The following PALS1 variants were observed in gnomAD, a reference collection of about 807,000 sequenced individuals.
PALS1 encodes the protein protein PALS1.
A neutral mutation model predicts 78.9 loss-of-function variants in PALS1; 31 were observed. The ratio of observed to expected loss-of-function variants is 0.39; its 90% CI spans 0.30 to 0.53. PALS1 has a LOEUF of 0.53. Among genes scored for constraint, PALS1 ranks in the 20% least tolerant of loss-of-function variants. PALS1 has a pLI of 0.67. For synonymous variants in PALS1, 276 were observed against 270.9 expected (o/e 1.02, Z -0.18); for missense variants, 704 against 826.5 (o/e 0.85, Z 1.82).
chr14:67,304,538 C>T (rs1160371731), intron 8 of PALS1, among the ~76,000 whole-genome samples: 1 of 152,174 alleles, frequency 6.6e-6, no homozygotes, highest in Non-Finnish European at 1.5e-5. Flanking sequence ...GGAAGCCAGT[C>T]ACAAAAGGCC....
At chr14:67,272,205 A>C (rs1264470110) in intron 2 of PALS1, 1 of 152,196 alleles carries the variant, frequency 6.6e-6, no homozygotes, top group East Asian at 1.9e-4. Context: ...TTTGTATTTA[A>C]GACCTTTCAT....
chr14:67,301,416 C>A lies in PALS1; in HGVS notation c.604C>A (p.His202Asn). The change falls in exon 5 of 15, where the codon CAT becomes AAT. Residue 202 changes from histidine (H) to asparagine (N), a missense_variant. Coordinates refer to ENST00000261681, the MANE Select transcript of PALS1 (RefSeq NM_022474.4). ...ACAAACTGTTTTGAAGCCAGTTCAT[C>A]ATAAGGAAGGACAAGAACTAACTGC... is the stretch of plus-strand genomic sequence containing the variant. Reference protein sequence around the residue: ...EVQTVLKPVHHKEGQELTALL... With the variant: ...EVQTVLKPVHNKEGQELTALL... 1.2e-6 allele frequency: 2 copies of A among 1,610,030 alleles called. No individual in the cohort carries two copies. Among genetic ancestry groups the A allele is most frequent in the Non-Finnish European group, 1.7e-6 (2 of 1,177,656 alleles).
chr14:67,262,164 A>G (rs530418875), intron 1 of PALS1, among the ~76,000 whole-genome samples: 3 of 152,294 alleles, frequency 2.0e-5, no homozygotes, highest in South Asian at 4.1e-4. Flanking sequence ...ATCAAATGAG[A>G]TAATATACTT....
chr14:67,260,396 CA>C (rs1045222411), intron 1 of PALS1, among the ~76,000 whole-genome samples: 1 of 152,030 alleles, frequency 6.6e-6, no homozygotes, highest in African/African-American at 2.4e-5. Flanking sequence ...GATTTTCATT[CA>C]AAAAATATTT....
rs139455369 is a variant in PALS1 at position 67,335,102 on chromosome 14, T to C, written c.*2146T>C. 6.7e-6 allele frequency: 1 copy of C among 150,118 alleles called. No homozygotes were observed. The highest frequency in any genetic ancestry group is 1.5e-5 in the Non-Finnish European group (1 of 66,428). The allele number at this position is 150,118 out of a possible 1,614,324, so 9.3% of individuals were successfully genotyped here. On this transcript the variant is annotated 3_prime_UTR_variant, in exon 15 of 15. Transcript: ENST00000261681. ...TCAAGGCAGAGGTGATGCCATGCCA[T>C]ACTTTTAGGAAGTCTGAGATGATAA...
At chr14:67,256,407 T>G (rs1329452676) in intron 1 of PALS1, among the ~76,000 whole-genome samples, 1 of 152,134 alleles carries the variant, frequency 6.6e-6, no homozygotes, top group Non-Finnish European at 1.5e-5. Flanking sequence ...TATTATATAT[T>G]TTAAAAAAAC....
intron 8 of PALS1, among the ~76,000 whole-genome samples, chr14:67,310,339 C>T (rs923281749): frequency 3.3e-4 from 50 of 152,182 alleles, no homozygotes; most frequent in African/African-American, 1.2e-3. Flanking sequence ...GGTGTGTTAT[C>T]TTAACTATAT....
At chr14:67,291,171 T>G (rs2084766404) in intron 3 of PALS1, among the ~76,000 whole-genome samples, 3 of 151,128 alleles carry the variant, frequency 2.0e-5, no homozygotes, top group Admixed American at 2.0e-4. Flanking sequence ...TATGACAGAG[T>G]ATATGTGCGT....
At chr14:67,255,134 C>T (rs1209729956) in intron 1 of PALS1, among the ~76,000 whole-genome samples, 5 of 151,498 alleles carry the variant, frequency 3.3e-5, no homozygotes, top group Admixed American at 2.6e-4. Context: ...GGCAACAGAG[C>T]GAGACTCCAT....
intron 14 of PALS1, among the ~76,000 whole-genome samples, chr14:67,329,298 G>GA (rs1210298807): frequency 5.3e-5 from 8 of 152,168 alleles, no homozygotes; most frequent in Non-Finnish European, 1.0e-4. Context: ...TGATGTATAG[G>GA]AATGCTTGTG....
chr14:67,304,521 G>A (rs894749187), intron 8 of PALS1, among the ~76,000 whole-genome samples: 2 of 152,164 alleles, frequency 1.3e-5, no homozygotes, highest in Non-Finnish European at 2.9e-5. Context: ...AAATTATGCT[G>A]AGCGAAGGAA....
chr14:67,298,307 A>G (rs1020903360), intron 4 of PALS1, among the ~76,000 whole-genome samples: 1 of 152,156 alleles, frequency 6.6e-6, no homozygotes, highest in Admixed American at 6.5e-5. Context: ...TGAGGTCAGG[A>G]GTTCGAGACT....
rs541362470 is a variant in PALS1, at chr14:67,325,184, C to T, written c.1851+1372C>T. Among the ~76,000 whole-genome samples the T allele has an allele frequency of 3.3e-5, 5 of 152,158 alleles. No homozygotes were observed. The East Asian group carries it at 7.7e-4, about 24-fold the overall frequency. On this transcript the variant is annotated intron_variant, in intron 14 of 14. Coordinates refer to ENST00000261681, the MANE Select transcript of PALS1 (RefSeq NM_022474.4). ...CCTCCCAAAGTGCTGGGATTACAGGCGTGAGCCACCAGGCCCAGCCTCCTT... is the reference window on the plus strand; with the variant it reads ...CCTCCCAAAGTGCTGGGATTACAGGTGTGAGCCACCAGGCCCAGCCTCCTT...
intron 9 of PALS1, 143 bp downstream of exon 9, chr14:67,312,853 T>A: frequency 1.7e-6 from 1 of 603,504 alleles, no homozygotes; most frequent in Non-Finnish European, 2.7e-6. Flanking sequence ...TTTTATGTTG[T>A]ACCTGCAGCG....
intron 2 of PALS1, among the ~76,000 whole-genome samples, chr14:67,277,402 A>G (rs146290896): frequency 6.6e-6 from 1 of 152,300 alleles, no homozygotes; most frequent in Non-Finnish European, 1.5e-5. Flanking sequence ...TTGGGTTTGT[A>G]TTAAGCATTT....
rs2085242065 is a variant in PALS1, at chr14:67,320,235, GACA to G, written c.1378_1380del (p.Asn460del). 2 of 1,604,450 alleles carry G rather than the reference GACA, an allele frequency of 1.2e-6. No individual in the cohort carries two copies. Among genetic ancestry groups the G allele is most frequent in the African/African-American group, 2.7e-5 (2 of 74,274 alleles). ...TTAACTTTTTTTTCCCAAAGATTATGACAACGAGGAGATCTTAACCTATGAGGA... is the reference window on the plus strand; with the variant it reads ...TTAACTTTTTTTTCCCAAAGATTATGACGAGGAGATCTTAACCTATGAGGA... On this transcript the variant is annotated inframe_deletion, in exon 12 of 15. Transcript: ENST00000261681.
intron 2 of PALS1, among the ~76,000 whole-genome samples, chr14:67,278,332 G>A (rs57547768): frequency 0.024 from 3,590 of 150,220 alleles, 153 homozygotes; most frequent in African/African-American, 0.085. Flanking sequence ...CACTGCACCC[G>A]GCCCAATTCT....
At chr14:67,243,836 G>T (rs1266897555) in intron 1 of PALS1, among the ~76,000 whole-genome samples, 1 of 152,128 alleles carries the variant, frequency 6.6e-6, no homozygotes, top group Non-Finnish European at 1.5e-5. Flanking sequence ...TCATAGGATC[G>T]TTGAGTTGGA....
intron 1 of PALS1, among the ~76,000 whole-genome samples, chr14:67,256,030 ATTTG>A (rs1425321434): frequency 1.3e-5 from 2 of 152,146 alleles, no homozygotes; most frequent in Non-Finnish European, 2.9e-5. Flanking sequence ...AAGTTTCAAT[ATTTG>A]TTTGTTTTCA....
Sources: gnomAD v4.1 joint callset for allele counts (sites outside exome capture counted in the v4.1 genomes callset) on GRCh38, gnomAD v4.1.1 for gene constraint, MANE v1.5 for transcripts, NCBI Gene and HGNC (gene_info 2026-07-23, HGNC 2026-07-21) for gene names.